DLEC1: variants seen among roughly 807,000 people sequenced by gnomAD.
DLEC1 encodes DLEC1 cilia and flagella associated protein.
DLEC1 carries 146 observed loss-of-function variants against 198.1 expected under a neutral mutation model. The ratio of observed to expected loss-of-function variants is 0.74; its 90% CI spans 0.64 to 0.85. The LOEUF (loss-of-function observed/expected upper bound fraction) is 0.85, where lower values mean the gene tolerates loss of function less well. Ranked by LOEUF, DLEC1 falls within the 40% of genes least tolerant of loss-of-function variation. The pLI, the probability that DLEC1 is intolerant of heterozygous loss-of-function variation, is 0.00. For missense variants in DLEC1, 2,233 were observed against 2,220.0 expected (o/e 1.01, Z -0.12); for synonymous variants, 897 against 866.8 (o/e 1.03, Z -0.61).
chr3:38,121,073 G>A (rs139577547), intron 34 of DLEC1, among the ~76,000 whole-genome samples: 206 of 152,306 alleles, frequency 1.4e-3, no homozygotes, highest in African/African-American at 4.3e-3. Context: ...TGCTAGTAAG[G>A]AGTGTGAAGG....
In DLEC1 at chr3:38,116,803, G is replaced by T; in HGVS notation, c.4093G>T (p.Val1365Leu). The change falls in exon 29 of 37, where the codon GTG becomes TTG. Residue 1365 changes from valine to leucine, a missense_variant. Physicochemically the swap from Val to Leu is conservative, Grantham distance 32. Transcript: ENST00000308059. ...GGGCAGCTCCAGTGCCAGCAATAGG[G>T]TGGCACAGAAGCTCATCTCAGTCAT... ...VEGSSSASNR[V>L]AQKLISVILQ... 6.2e-7 allele frequency: 1 copy of T among 1,613,734 alleles called. No individual in the cohort carries two copies. Among genetic ancestry groups the T allele is most frequent in the Non-Finnish European group, 8.5e-7 (1 of 1,179,832 alleles).
chr3:38,050,249 T>C (rs1304149462), intron 2 of DLEC1, among the ~76,000 whole-genome samples: 3 of 152,122 alleles, frequency 2.0e-5, no homozygotes, highest in East Asian at 3.9e-4. Context: ...TTTGTATTTT[T>C]AGTAGAGACA....
intron 22 of DLEC1, 186 bp downstream of exon 22, chr3:38,109,748 C>T: frequency 9.7e-7 from 1 of 1,030,348 alleles, no homozygotes; most frequent in Non-Finnish European, 1.4e-6. Flanking sequence ...CCCATCCCTG[C>T]CCTCTGTGTG....
In DLEC1 at chr3:38,121,792, C is replaced by A. The variant is rs774318062; in HGVS notation, c.5020+11C>A. ...GGACTATGCTGATGGGTATGTCCTA[C>A]CCTGCCACCTACCCACCGTTCCCCT... On this transcript the variant is annotated intron_variant, in intron 35 of 36. Transcript: ENST00000308059. 3 of 1,613,250 alleles carry A rather than the reference C, an allele frequency of 1.9e-6. No homozygotes were observed. Among genetic ancestry groups the A allele is most frequent in the African/African-American group, 1.3e-5 (1 of 75,016 alleles).
In DLEC1 at chr3:38,088,283, G is replaced by T. The variant is rs997430079; in HGVS notation, c.1573-13G>T. 16 of 1,611,842 alleles carry T rather than the reference G, an allele frequency of 9.9e-6. No individual in the cohort carries two copies. The highest frequency in any genetic ancestry group is 1.4e-5 in the Non-Finnish European group (16 of 1,178,098). The stretch of plus-strand genomic sequence containing the variant: ...TGTCTTCCACACTGTTGGGTAATCT[G>T]CTTTTCTTTAAGGCCATTGCAACCG... On this transcript the variant is annotated splice_polypyrimidine_tract_variant and intron_variant, in intron 9 of 36. Transcript: ENST00000308059.
At chr3:38,065,276 G>A (rs183027880) in intron 6 of DLEC1, among the ~76,000 whole-genome samples, 1,817 of 152,054 alleles carry the variant, frequency 0.012, 38 homozygotes, top group African/African-American at 0.04. Flanking sequence ...GTAGTGAGTC[G>A]AGATGGCGGC....
At chr3:38,042,024 G>A (rs559121583) in intron 1 of DLEC1, among the ~76,000 whole-genome samples, 8 of 151,684 alleles carry the variant, frequency 5.3e-5, no homozygotes, top group Admixed American at 1.3e-4. Flanking sequence ...GCAGAGTCTC[G>A]CTCTGTTGCC....
intron 2 of DLEC1, among the ~76,000 whole-genome samples, chr3:38,050,678 C>G (rs576043914): frequency 1.2e-4 from 19 of 152,324 alleles, no homozygotes; most frequent in Admixed American, 2.0e-4. Context: ...CCACCTCCAA[C>G]TTTAGGAAAA....
At chr3:38,066,532 A>G (rs1299771761) in intron 6 of DLEC1, among the ~76,000 whole-genome samples, 1 of 152,202 alleles carries the variant, frequency 6.6e-6, no homozygotes, top group Non-Finnish European at 1.5e-5. Flanking sequence ...TTAACAGTAT[A>G]TCCAGTAATT....
At chr3:38,086,136 G>T in intron 8 of DLEC1, 105 bp from the exon 9 acceptor site, 1 of 1,470,414 alleles carries the variant, frequency 6.8e-7, no homozygotes, top group South Asian at 1.4e-5. Flanking sequence ...GCTGGGCTGG[G>T]ACCAGCTGTC....
chr3:38,041,178 AT>A (rs35271785), intron 1 of DLEC1, among the ~76,000 whole-genome samples: 1 of 151,810 alleles, frequency 6.6e-6, no homozygotes, highest in Non-Finnish European at 1.5e-5. Context: ...ATTTTTTTGT[AT>A]TTTTAGTAGA....
At chr3:38,111,776 G>T (rs747983945) in intron 24 of DLEC1, 29 bp downstream of exon 24, 1 of 1,602,954 alleles carries the variant, frequency 6.2e-7, no homozygotes. Context: ...GGGCTTCGGG[G>T]CCCAGGCCAC....
intron 25 of DLEC1, among the ~76,000 whole-genome samples, chr3:38,113,690 CAATAATAATAAT>C (rs752299851): frequency 6.6e-6 from 1 of 150,824 alleles, no homozygotes. Context: ...GACTCTGTCT[CAATAATAATAAT>C]AATAATAATA....
rs1700188590 is a variant in DLEC1, at chr3:38,116,741, CTGCGTGAACCTCAGTGAT to C, written c.4063-30_4063-13del. The stretch of plus-strand genomic sequence containing the variant: ...CAGTAGGCTAGTTGAACCTCAGTGA[CTGCGTGAACCTCAGTGAT>C]TCCTTGGTGACAGGTTGAGGGCAGC... On this transcript the variant is annotated splice_polypyrimidine_tract_variant and intron_variant, in intron 28 of 36. Coordinates refer to ENST00000308059, the MANE Select transcript of DLEC1 (RefSeq NM_007335.4). The C allele has an allele frequency of 6.2e-7, 1 of 1,607,498 alleles. No homozygotes were observed. Among genetic ancestry groups the C allele is most frequent in the Admixed American group, 1.7e-5 (1 of 59,756 alleles).
At chr3:38,074,147 TG>T (rs1279993222) in intron 6 of DLEC1, among the ~76,000 whole-genome samples, 1 of 152,236 alleles carries the variant, frequency 6.6e-6, no homozygotes, top group African/African-American at 2.4e-5. Context: ...GAGGAAGTCT[TG>T]TAGGAATGCT....
intron 6 of DLEC1, among the ~76,000 whole-genome samples, chr3:38,080,034 A>T (rs1449756445): frequency 6.6e-6 from 1 of 152,198 alleles, no homozygotes; most frequent in South Asian, 2.1e-4. Context: ...AGGGCTGTAA[A>T]GCGTCTCAGG....
intron 10 of DLEC1, 35 bp from the exon 11 acceptor site, chr3:38,092,755 A>G (rs1462956154): frequency 1.3e-6 from 2 of 1,594,078 alleles, no homozygotes; most frequent in Non-Finnish European, 8.6e-7. Flanking sequence ...AAGCCCTTTA[A>G]TGGGAGGTAA....
In DLEC1 at chr3:38,114,965, C is replaced by T. The variant is rs753256135; in HGVS notation, c.3786-18C>T. On this transcript the variant is annotated intron_variant, in intron 26 of 36. Coordinates refer to ENST00000308059, the MANE Select transcript of DLEC1 (RefSeq NM_007335.4). Reference sequence around the variant, plus strand: ...ACGCTGGCTGTGGCTGTACTGAGTCCAGTCTGTCCCCCTCCAGGTTCGGCA... The same window carrying T: ...ACGCTGGCTGTGGCTGTACTGAGTCTAGTCTGTCCCCCTCCAGGTTCGGCA... 1.9e-6 allele frequency: 3 copies of T among 1,611,482 alleles called. No homozygotes were observed. The highest frequency in any genetic ancestry group is 2.5e-6 in the Non-Finnish European group (3 of 1,178,446).
Position 38,062,182 on chromosome 3 carries a change from T to C in DLEC1, c.687T>C (p.Pro229=). The change falls in exon 4 of 37, where the codon CCT becomes CCC. Residue 229 remains proline, a synonymous_variant. Coordinates refer to ENST00000308059, the MANE Select transcript of DLEC1 (RefSeq NM_007335.4). ...FHSAPKGISL[P]GCSKLTFSCE... is the part of the protein sequence containing the mutation. Reference sequence around the variant, plus strand: ...TTGATGCTGTAGGCATCTCCCTACCTGGATGTTCAAAACTGACATTTAGCT... The same window carrying C: ...TTGATGCTGTAGGCATCTCCCTACCCGGATGTTCAAAACTGACATTTAGCT... 6.2e-7 allele frequency: 1 copy of C among 1,614,200 alleles called. No homozygotes were observed. The highest frequency in any genetic ancestry group is 1.1e-5 in the South Asian group (1 of 91,086).
Sources: gnomAD v4.1 joint callset for allele counts (sites outside exome capture counted in the v4.1 genomes callset) on GRCh38, gnomAD v4.1.1 for gene constraint, MANE v1.5 for transcripts, NCBI Gene and HGNC (gene_info 2026-07-23, HGNC 2026-07-21) for gene names.